RTTN: variants seen among roughly 807,000 people sequenced by gnomAD.
RTTN encodes rotatin.
RTTN carries 182 observed loss-of-function variants against 269.2 expected under a neutral mutation model. The ratio of observed to expected loss-of-function variants is 0.68; its 90% CI spans 0.60 to 0.76. The LOEUF (loss-of-function observed/expected upper bound fraction) is 0.76, where lower values mean the gene tolerates loss of function less well. Among genes scored for constraint, RTTN ranks in the 30% least tolerant of loss-of-function variants. The pLI, the probability that RTTN is intolerant of heterozygous loss-of-function variation, is 0.00. For missense variants in RTTN, 2,545 were observed against 2,608.6 expected (o/e 0.98, Z 0.53); for synonymous variants, 1,006 against 963.5 (o/e 1.04, Z -0.82).
intron 14 of RTTN, among the ~76,000 whole-genome samples, chr18:70,162,532 G>A (rs533636689): frequency 6.6e-6 from 1 of 152,290 alleles, no homozygotes; most frequent in South Asian, 2.1e-4. Flanking sequence ...CGGCAGGAGA[G>A]AGACAGAATG....
intron 14 of RTTN, among the ~76,000 whole-genome samples, chr18:70,162,341 C>T (rs997438293): frequency 6.6e-6 from 1 of 152,126 alleles, no homozygotes; most frequent in East Asian, 1.9e-4. Flanking sequence ...GAACAACAGA[C>T]AGTGGGGCCT....
At chr18:70,033,598 G>A (rs1033570607) in intron 40 of RTTN, among the ~76,000 whole-genome samples, 28 of 152,196 alleles carry the variant, frequency 1.8e-4, no homozygotes, top group East Asian at 1.5e-3. Flanking sequence ...AATTTTGAGC[G>A]CTAAATGCCC....
chr18:70,076,917 A>G (rs555223344), intron 32 of RTTN, among the ~76,000 whole-genome samples: 16 of 149,282 alleles, frequency 1.1e-4, no homozygotes, highest in African/African-American at 3.9e-4. Flanking sequence ...ATCACAGTCA[A>G]TCTTAACATT....
intron 8 of RTTN, among the ~76,000 whole-genome samples, chr18:70,191,198 A>C (rs946116714): frequency 6.6e-6 from 1 of 152,194 alleles, no homozygotes; most frequent in Admixed American, 6.5e-5. Context: ...CATCTCAAAA[A>C]AAAAAAAAGA....
intron 7 of RTTN, among the ~76,000 whole-genome samples, chr18:70,195,807 T>C (rs1174520792): frequency 1.3e-5 from 2 of 152,256 alleles, no homozygotes; most frequent in African/African-American, 4.8e-5. Context: ...ACCAGTCATT[T>C]GTACAATGCC....
rs578182287 is a variant in RTTN, at chr18:70,127,785, T to C, written c.3144-44A>G. 3.7e-5 allele frequency: 56 copies of C among 1,515,618 alleles called. 2 individuals carry two copies. The East Asian group carries it at 1.2e-3, about 31-fold the overall frequency. 93.9% of individuals were successfully genotyped at this position (1,515,618 alleles called of 1,614,324 possible). ...AATGAAGGAGGAACATAAAGCTATT[T>C]AAATAAAAGCTCACACTTATTTCTA... On this transcript the variant is annotated intron_variant, in intron 24 of 48. Coordinates refer to ENST00000640769, the MANE Select transcript of RTTN (RefSeq NM_173630.4).
At chr18:70,189,756 G>A (rs190249633) in intron 9 of RTTN, among the ~76,000 whole-genome samples, 7 of 152,224 alleles carry the variant, frequency 4.6e-5, no homozygotes, top group Admixed American at 2.0e-4. Context: ...AAAAATACAC[G>A]AAATAATGCA....
In RTTN at chr18:70,153,930, T is replaced by C. The variant is rs114279610; in HGVS notation, c.1930-3197A>G. ...TGACAAAAGAAAAATCACAATATTT[T>C]GCAAGAACAGTGTCAACTAATATAA... On this transcript the variant is annotated intron_variant, in intron 14 of 48. Transcript: ENST00000640769. Among the ~76,000 whole-genome samples the C allele has an allele frequency of 5.0e-3, 758 of 152,268 alleles. 4 individuals carry two copies. The highest frequency in any genetic ancestry group is 0.017 in the African/African-American group (719 of 41,562).
chr18:70,019,287 T>TA (rs1386592727), intron 45 of RTTN: 1 of 152,198 alleles, frequency 6.6e-6, no homozygotes, highest in Non-Finnish European at 1.5e-5. Flanking sequence ...GATTGGCACT[T>TA]ACATTCCTTC....
chr18:70,204,070 G>A lies in RTTN; in HGVS notation c.397+16C>T, dbSNP rs2062018103. ...AGAATTAATATATTTGTATTTAACA[G>A]ATTCCAAAGAGTTACCAGTTTGATT... On this transcript the variant is annotated intron_variant, in intron 3 of 48. Coordinates refer to ENST00000640769, the MANE Select transcript of RTTN (RefSeq NM_173630.4). 6.5e-7 allele frequency: 1 copy of A among 1,545,112 alleles called. No homozygotes were observed. Among genetic ancestry groups the A allele is most frequent in the Admixed American group, 1.9e-5 (1 of 52,586 alleles).
At chr18:70,168,708 TA>T (rs1184901775) in intron 12 of RTTN, 146 bp downstream of exon 12, 1 of 577,810 alleles carries the variant, frequency 1.7e-6, no homozygotes, top group Non-Finnish European at 3.0e-6. Flanking sequence ...ACCTGTTAAA[TA>T]ACAGGTTATG....
At chr18:70,153,509 T>C (rs905903367) in intron 14 of RTTN, among the ~76,000 whole-genome samples, 7 of 152,162 alleles carry the variant, frequency 4.6e-5, no homozygotes, top group Non-Finnish European at 7.3e-5. Flanking sequence ...GTGGTGGCCA[T>C]TTAATCATCC....
intron 47 of RTTN, chr18:70,006,013 T>C (rs1429233717): frequency 1.7e-5 from 3 of 172,542 alleles, no homozygotes; most frequent in African/African-American, 4.8e-5. Context: ...TAAAGGGGAA[T>C]TGTACAATTG....
chr18:70,152,387 G>A (rs1214732994), intron 14 of RTTN, among the ~76,000 whole-genome samples: 1 of 152,076 alleles, frequency 6.6e-6, no homozygotes, highest in Non-Finnish European at 1.5e-5. Context: ...TTCAGAAAGA[G>A]GTAGTACCTA....
At chr18:70,179,564 T>C (rs1197063970) in intron 10 of RTTN, among the ~76,000 whole-genome samples, 3 of 152,232 alleles carry the variant, frequency 2.0e-5, no homozygotes, top group South Asian at 2.1e-4. Flanking sequence ...GGGCTAAAGA[T>C]GTTTAAGCAA....
chr18:70,184,264 C>CTAAA (rs2061482844), intron 10 of RTTN, among the ~76,000 whole-genome samples: 1 of 152,126 alleles, frequency 6.6e-6, no homozygotes, highest in Non-Finnish European at 1.5e-5. Flanking sequence ...AATTAAAGAG[C>CTAAA]TAAATAAGGC....
intron 32 of RTTN, among the ~76,000 whole-genome samples, chr18:70,075,840 T>G (rs142896388): frequency 1.2e-4 from 18 of 152,140 alleles, no homozygotes; most frequent in African/African-American, 4.3e-4. Flanking sequence ...AATCATATAC[T>G]TGCACCAAAA....
At position 70,048,154 on chromosome 18, in the gene RTTN, C is replaced by T. The variant is rs371026322; in HGVS notation, c.5358G>A (p.Thr1786=). 1.4e-5 allele frequency: 23 copies of T among 1,613,872 alleles called. No individual in the cohort carries two copies. The highest frequency in any genetic ancestry group is 4.5e-5 in the East Asian group (2 of 44,878). Reference sequence around the variant, plus strand: ...AGCTGGCAGTATACAGGGCAGGACACGTGGCAGACAAGCCTGCACATGTGC... The same window carrying T: ...AGCTGGCAGTATACAGGGCAGGACATGTGGCAGACAAGCCTGCACATGTGC... ...MFCTCAGLSA[T]CPALYTASLQ... is the part of the protein sequence containing the mutation. The change falls in exon 40 of 49, where the codon ACG becomes ACA. Residue 1786 remains threonine (T), a synonymous_variant. Coordinates refer to ENST00000640769, the MANE Select transcript of RTTN (RefSeq NM_173630.4).
chr18:70,108,865 CA>C (rs59517628), intron 28 of RTTN, among the ~76,000 whole-genome samples: 10 of 150,210 alleles, frequency 6.7e-5, no homozygotes, highest in African/African-American at 2.4e-4. Context: ...TCTTAATTGA[CA>C]AAAAAAAACT....
Sources: allele counts gnomAD v4.1 joint callset (sites outside exome capture counted in the v4.1 genomes callset), GRCh38; gene constraint gnomAD v4.1.1; transcripts MANE v1.5; gene names NCBI Gene and HGNC (gene_info 2026-07-23, HGNC 2026-07-21).